ACTR3C: variants seen among roughly 807,000 people sequenced by gnomAD.
The protein encoded by ACTR3C is actin-related protein 3C.
ACTR3C carries 18 observed loss-of-function variants against 26.3 expected under a neutral mutation model. The observed-to-expected ratio is 0.68, with a 90% CI of 0.47 to 1.01. The LOEUF (loss-of-function observed/expected upper bound fraction) is 1.01. ACTR3C is among the 50% of genes least tolerant of loss of function. The pLI is 0.00. For missense variants in ACTR3C, 184 were observed against 250.7 expected, an observed-to-expected ratio of 0.73 and a Z score of 1.80; for synonymous variants, 55 against 94.5, an observed-to-expected ratio of 0.58 and a Z score of 2.42.
the ACTR3C span, among the ~76,000 whole-genome samples, chr7:150,020,138 G>C: frequency 6.6e-6 from 1 of 152,082 alleles, no homozygotes; most frequent in African/African-American, 2.4e-5. Flanking sequence ...AATCACCTTA[G>C]TCAAATAGGA....
chr7:150,297,815 G>A (rs1795045831), intron 1 of ACTR3C, among the ~76,000 whole-genome samples: 1 of 142,190 alleles, frequency 7.0e-6, no homozygotes, highest in South Asian at 2.2e-4. Context: ...TCACACCACT[G>A]CATTCCAGCC....
chr7:150,046,942 GAGAC>G, the ACTR3C span, among the ~76,000 whole-genome samples: 1 of 152,162 alleles, frequency 6.6e-6, no homozygotes, highest in Non-Finnish European at 1.5e-5. Context: ...GCTGGGAGGG[GAGAC>G]AGACACGGCC....
At chr7:150,078,193 G>A in the ACTR3C span, among the ~76,000 whole-genome samples, 49 of 151,690 alleles carry the variant, frequency 3.2e-4, no homozygotes, top group Admixed American at 7.2e-4. Context: ...CACATCTTTC[G>A]CATTCTCCAG....
the ACTR3C span, among the ~76,000 whole-genome samples, chr7:150,077,239 G>A: frequency 3.7e-4 from 57 of 152,208 alleles, 2 homozygotes; most frequent in African/African-American, 1.1e-3. Context: ...GTAGGCTTTC[G>A]TGATGCTGAT....
At chr7:149,908,785 C>CTT in the ACTR3C span, among the ~76,000 whole-genome samples, 27 of 145,848 alleles carry the variant, frequency 1.9e-4, no homozygotes, top group Admixed American at 2.7e-4. Flanking sequence ...GGAATCCTAT[C>CTT]TTTTTTTTTT....
intron 1 of ACTR3C, among the ~76,000 whole-genome samples, chr7:150,313,857 G>A (rs1014686201): frequency 1.3e-5 from 2 of 152,214 alleles, no homozygotes; most frequent in South Asian, 4.1e-4. Flanking sequence ...CCTGCCTGGA[G>A]CCTGGAAAGC....
chr7:150,199,080 CG>C, the ACTR3C span, among the ~76,000 whole-genome samples: 1 of 147,356 alleles, frequency 6.8e-6, no homozygotes, highest in Non-Finnish European at 1.5e-5. Flanking sequence ...CCCCTCTGCC[CG>C]GCCGCCCCCC....
chr7:150,163,943 G>A, the ACTR3C span, among the ~76,000 whole-genome samples: 1 of 152,162 alleles, frequency 6.6e-6, no homozygotes, highest in Non-Finnish European at 1.5e-5. Flanking sequence ...CCAAAATAAT[G>A]TTGAATCTGG....
chr7:150,071,122 ATTTC>A, the ACTR3C span, among the ~76,000 whole-genome samples: 3 of 142,716 alleles, frequency 2.1e-5, no homozygotes, highest in Non-Finnish European at 3.0e-5. Flanking sequence ...ACATAAGGCA[ATTTC>A]TTTCTTTTTT....
At chr7:149,960,246 A>G in the ACTR3C span, among the ~76,000 whole-genome samples, 2 of 152,052 alleles carry the variant, frequency 1.3e-5, no homozygotes, top group Admixed American at 6.5e-5. Context: ...TGCCTGAGTA[A>G]TAAGGAAGAA....
chr7:150,263,706 G>A (rs1033865975), intron 6 of ACTR3C, among the ~76,000 whole-genome samples: 12 of 152,132 alleles, frequency 7.9e-5, no homozygotes, highest in African/African-American at 2.4e-4. Context: ...GAAGAACAAC[G>A]TGGACAAACA....
chr7:150,210,973 G>C, the ACTR3C span, among the ~76,000 whole-genome samples: 1 of 150,092 alleles, frequency 6.7e-6, no homozygotes, highest in African/African-American at 2.5e-5. Context: ...ATCTTCTTTT[G>C]TCCTGCTTTT....
the ACTR3C span, among the ~76,000 whole-genome samples, chr7:149,888,483 C>T: frequency 6.6e-6 from 1 of 152,242 alleles, no homozygotes; most frequent in Non-Finnish European, 1.5e-5. Flanking sequence ...GACTCTTCAC[C>T]TGTTTATTGG....
the ACTR3C span, among the ~76,000 whole-genome samples, chr7:150,103,739 C>T: frequency 3.3e-5 from 5 of 151,916 alleles, no homozygotes; most frequent in Non-Finnish European, 7.4e-5. Context: ...AGTGATATTG[C>T]TATGGTTGAG....
rs946467734 is a variant in ACTR3C at position 150,275,699 on chromosome 7, G to A, written c.564+9054C>T. Among the ~76,000 whole-genome samples, 22 of 148,036 alleles carry A rather than the reference G, an allele frequency of 1.5e-4. No homozygotes were observed. In the East Asian group the frequency reaches 3.7e-3, roughly 25 times the overall value. On this transcript the variant is annotated intron_variant, in intron 6 of 7. Coordinates refer to ENST00000683684, the MANE Select transcript of ACTR3C (RefSeq NM_001164458.2). ...GCACTCCAGGCTGGGTGACAAGAGCGAAAACTCTGTCTCAAAAAAAAAACA... is the reference window on the plus strand; with the variant it reads ...GCACTCCAGGCTGGGTGACAAGAGCAAAAACTCTGTCTCAAAAAAAAAACA...
the ACTR3C span, among the ~76,000 whole-genome samples, chr7:149,925,805 T>TA: frequency 6.6e-6 from 1 of 152,002 alleles, no homozygotes; most frequent in East Asian, 1.9e-4. Flanking sequence ...CTCACATCTA[T>TA]AATCCCAGCA....
the ACTR3C span, among the ~76,000 whole-genome samples, chr7:150,039,699 G>C: frequency 7.6e-6 from 1 of 131,438 alleles, no homozygotes; most frequent in South Asian, 2.4e-4. Context: ...CCTAAGCCGG[G>C]GGGGAAGAGG....
the ACTR3C span, among the ~76,000 whole-genome samples, chr7:149,920,184 A>G: frequency 1.6e-4 from 24 of 151,912 alleles, no homozygotes; most frequent in African/African-American, 5.3e-4. Context: ...TAGATTTTTC[A>G]GTGAGGTTTA....
At chr7:150,004,827 G>A in the ACTR3C span, 1 of 152,242 alleles carries the variant, frequency 6.6e-6, no homozygotes, top group African/African-American at 2.4e-5. Context: ...TCTGAAAAAT[G>A]TAACGGCCAT....
Sources: gnomAD v4.1 joint callset for allele counts (sites outside exome capture counted in the v4.1 genomes callset) on GRCh38, gnomAD v4.1.1 for gene constraint, MANE v1.5 for transcripts, NCBI Gene and HGNC (gene_info 2026-07-23, HGNC 2026-07-21) for gene names.